PRKAR2A: variants seen among roughly 807,000 people sequenced by gnomAD.
The protein encoded by PRKAR2A is cAMP-dependent protein kinase type II-alpha regulatory subunit.
A neutral mutation model predicts 51.9 loss-of-function variants in PRKAR2A; 29 were observed. The ratio of observed to expected loss-of-function variants is 0.56; its 90% CI spans 0.42 to 0.76. The LOEUF (loss-of-function observed/expected upper bound fraction) is 0.76, where lower values mean the gene tolerates loss of function less well. Ranked by LOEUF, PRKAR2A falls within the 30% of genes least tolerant of loss-of-function variation. PRKAR2A has a pLI of 0.00. For synonymous variants in PRKAR2A, 178 were observed against 186.2 expected (o/e 0.96, Z 0.36); for missense variants, 445 against 512.1 (o/e 0.87, Z 1.26).
chr3:48,826,708 G>T lies in PRKAR2A; in HGVS notation c.263-19024C>A, dbSNP rs1250999870. 2.6e-5 allele frequency among the ~76,000 whole-genome samples: 4 copies of T among 151,900 alleles called. No individual in the cohort carries two copies. In the South Asian group the frequency reaches 8.3e-4, roughly 31 times the overall value. On this transcript the variant is annotated intron_variant, in intron 1 of 10. Transcript: ENST00000265563. ...ATCTCATTAACATAAACTCAGTTAT[G>T]ATCCAAAAGGCTCATGAATAACAAA...
chr3:48,811,903 T>A (rs1001023374), intron 1 of PRKAR2A, among the ~76,000 whole-genome samples: 3 of 151,932 alleles, frequency 2.0e-5, no homozygotes, highest in Non-Finnish European at 4.4e-5. Flanking sequence ...TATGTAAAAT[T>A]CCCAGAGAAG....
chr3:48,837,693 T>A (rs887103662), intron 1 of PRKAR2A, among the ~76,000 whole-genome samples: 1 of 151,456 alleles, frequency 6.6e-6, no homozygotes, highest in East Asian at 1.9e-4. Context: ...TATATGTCCA[T>A]CAACATATGA....
intron 1 of PRKAR2A, among the ~76,000 whole-genome samples, chr3:48,839,995 T>C (rs1360864384): frequency 2.0e-5 from 3 of 152,152 alleles, no homozygotes; most frequent in Non-Finnish European, 2.9e-5. Flanking sequence ...AAACTGAAAC[T>C]CTGTACCTAT....
intron 5 of PRKAR2A, among the ~76,000 whole-genome samples, chr3:48,773,339 CTTTTTT>C (rs34140561): frequency 4.6e-4 from 40 of 87,656 alleles, no homozygotes; most frequent in African/African-American, 1.8e-3. Flanking sequence ...ATTTTCTTTT[CTTTTTT>C]TTTTTTTTTT....
intron 1 of PRKAR2A, among the ~76,000 whole-genome samples, chr3:48,829,659 T>C (rs1338709338): frequency 4.2e-5 from 6 of 142,772 alleles, no homozygotes; most frequent in Non-Finnish European, 7.7e-5. Context: ...TGTGTATACG[T>C]GTGTATACAC....
chr3:48,762,957 C>A (rs150064317), intron 8 of PRKAR2A, among the ~76,000 whole-genome samples: 2 of 152,110 alleles, frequency 1.3e-5, no homozygotes, highest in East Asian at 1.9e-4. Flanking sequence ...CAGAAAACAT[C>A]AATGGTTTCC....
At chr3:48,773,799 T>C (rs1046466835) in intron 5 of PRKAR2A, among the ~76,000 whole-genome samples, 2 of 151,544 alleles carry the variant, frequency 1.3e-5, no homozygotes, top group African/African-American at 2.4e-5. Flanking sequence ...TATATACACA[T>C]ATATACATTT....
At chr3:48,787,468 G>A (rs1272777552) in intron 4 of PRKAR2A, among the ~76,000 whole-genome samples, 2 of 152,164 alleles carry the variant, frequency 1.3e-5, no homozygotes, top group South Asian at 2.1e-4. Context: ...TTACAGGAAT[G>A]AGCCACCGTG....
chr3:48,817,713 C>G (rs975436144), intron 1 of PRKAR2A, among the ~76,000 whole-genome samples: 2 of 148,678 alleles, frequency 1.3e-5, no homozygotes, highest in Admixed American at 1.3e-4. Flanking sequence ...ATAAAATAAA[C>G]CAAGTAAGGA....
intron 4 of PRKAR2A, among the ~76,000 whole-genome samples, chr3:48,789,828 CCTCCCTCCCTCT>C (rs1413976047): frequency 2.6e-5 from 4 of 151,308 alleles, no homozygotes; most frequent in Admixed American, 1.3e-4. Context: ...TTTCTTTCTC[CCTCCCTCCCTCT>C]CTCCCTCCCT....
At chr3:48,786,778 A>C (rs1217129908) in intron 4 of PRKAR2A, among the ~76,000 whole-genome samples, 1 of 152,198 alleles carries the variant, frequency 6.6e-6, no homozygotes, top group African/African-American at 2.4e-5. Context: ...AAAAATGGAT[A>C]AATTGGTATT....
intron 1 of PRKAR2A, among the ~76,000 whole-genome samples, chr3:48,818,504 T>A (rs142097825): frequency 1.3e-4 from 20 of 152,232 alleles, no homozygotes; most frequent in African/African-American, 4.6e-4. Flanking sequence ...ACCCATAATC[T>A]TTGGGAGGCC....
chr3:48,761,117 C>A (rs917136131), intron 8 of PRKAR2A, among the ~76,000 whole-genome samples: 1 of 151,878 alleles, frequency 6.6e-6, no homozygotes, highest in African/African-American at 2.4e-5. Flanking sequence ...CCTGTCTCTA[C>A]TAAAAACACA....
intron 3 of PRKAR2A, among the ~76,000 whole-genome samples, chr3:48,792,604 G>C (rs1465583528): frequency 6.6e-6 from 1 of 150,930 alleles, no homozygotes; most frequent in Non-Finnish European, 1.5e-5. Context: ...TGGGATTACA[G>C]GCGCCTGCCA....
At chr3:48,787,661 C>G (rs920019659) in intron 4 of PRKAR2A, among the ~76,000 whole-genome samples, 2 of 152,160 alleles carry the variant, frequency 1.3e-5, no homozygotes, top group Non-Finnish European at 2.9e-5. Context: ...CCAGGGAAAA[C>G]AGCTAACACA....
At chr3:48,840,028 C>T (rs924618565) in intron 1 of PRKAR2A, among the ~76,000 whole-genome samples, 2 of 152,178 alleles carry the variant, frequency 1.3e-5, no homozygotes, top group African/African-American at 2.4e-5. Flanking sequence ...CCCTATTACA[C>T]CTTCCCCCAA....
chr3:48,795,262 C>T (rs978579005), intron 2 of PRKAR2A, among the ~76,000 whole-genome samples: 2 of 152,022 alleles, frequency 1.3e-5, no homozygotes, highest in East Asian at 1.9e-4. Context: ...CGTGAGCCAC[C>T]GCGACTAGCC....
At chr3:48,828,456 A>G (rs952756366) in intron 1 of PRKAR2A, among the ~76,000 whole-genome samples, 8 of 152,202 alleles carry the variant, frequency 5.3e-5, no homozygotes, top group Admixed American at 4.6e-4. Flanking sequence ...GGTGGCCCAC[A>G]CTTGTAATCC....
intron 6 of PRKAR2A, among the ~76,000 whole-genome samples, chr3:48,769,153 C>CTTTT (rs1418956634): frequency 4.9e-4 from 23 of 46,998 alleles, no homozygotes; most frequent in African/African-American, 2.4e-3. Context: ...CAACAAATAT[C>CTTTT]TTTCTTTTTT....
Sources: allele counts gnomAD v4.1 joint callset (sites outside exome capture counted in the v4.1 genomes callset), GRCh38; gene constraint gnomAD v4.1.1; transcripts MANE v1.5; gene names NCBI Gene and HGNC (gene_info 2026-07-23, HGNC 2026-07-21).